HDAC9: variants seen among roughly 807,000 people sequenced by gnomAD.
The protein encoded by HDAC9 is histone deacetylase 9.
HDAC9 carries 41 observed loss-of-function variants against 139.4 expected under a neutral mutation model. The ratio of observed to expected loss-of-function variants is 0.29; its 90% CI spans 0.23 to 0.38. HDAC9 has a LOEUF of 0.38. HDAC9 is among the 10% of genes least tolerant of loss of function. The pLI is 1.00. For synonymous variants in HDAC9, 517 were observed against 476.2 expected (o/e 1.09, Z -1.12); for missense variants, 1,147 against 1,297.0 (o/e 0.88, Z 1.78).
At chr7:18,368,287 T>G (rs1784337601) in intron 1 of HDAC9, among the ~76,000 whole-genome samples, 1 of 152,086 alleles carries the variant, frequency 6.6e-6, no homozygotes, top group African/African-American at 2.4e-5. Flanking sequence ...GATCTATCAC[T>G]TTACCTTTTA....
At chr7:18,433,944 A>G (rs571062880) in intron 1 of HDAC9, among the ~76,000 whole-genome samples, 22 of 152,232 alleles carry the variant, frequency 1.4e-4, no homozygotes, top group Admixed American at 1.4e-3. Context: ...GAACCAAAAA[A>G]GAGCCTGAGT....
intron 1 of HDAC9, among the ~76,000 whole-genome samples, chr7:18,104,801 A>G (rs1306373833): frequency 1.3e-5 from 2 of 152,052 alleles, no homozygotes; most frequent in African/African-American, 4.8e-5. Flanking sequence ...GGAGATCACA[A>G]ATTGGCAGCT....
intron 1 of HDAC9, among the ~76,000 whole-genome samples, chr7:18,460,466 G>T (rs189662320): frequency 6.6e-5 from 10 of 151,876 alleles, no homozygotes; most frequent in Non-Finnish European, 1.0e-4. Context: ...TATGGAATTC[G>T]AATTCATTCT....
rs563959427 is a variant in HDAC9 at position 18,395,767 on chromosome 7, G to A, written c.-41-100495G>A. ...ACTCAACCACTGTTCTCCCAAGGCC[G>A]TTACCTTATTTCAGAGAAAGCCTAA... On this transcript the variant is annotated intron_variant, in intron 1 of 3. Coordinates refer to the HDAC9 transcript ENST00000413509. 7.2e-5 allele frequency among the ~76,000 whole-genome samples: 11 copies of A among 152,056 alleles called. No homozygotes were observed. The South Asian group carries it at 2.1e-3, about 29-fold the overall frequency.
intron 24 of HDAC9, among the ~76,000 whole-genome samples, chr7:18,966,712 C>T (rs1236046562): frequency 8.4e-6 from 1 of 118,900 alleles, no homozygotes; most frequent in Non-Finnish European, 1.8e-5. Flanking sequence ...AAAAAACAAA[C>T]AGACCAAAAA....
intron 1 of HDAC9, among the ~76,000 whole-genome samples, chr7:18,474,370 C>T (rs1262246660): frequency 6.6e-6 from 1 of 152,180 alleles, no homozygotes; most frequent in Non-Finnish European, 1.5e-5. Context: ...AGGTATCCAT[C>T]TATAGCTGCC....
At chr7:18,303,375 TTG>T (rs71014320) in intron 1 of HDAC9, among the ~76,000 whole-genome samples, 3,132 of 127,674 alleles carry the variant, frequency 0.025, 57 homozygotes, top group African/African-American at 0.052. Context: ...CCCAGCCAAT[TTG>T]TGTGTGTGTG....
intron 1 of HDAC9, among the ~76,000 whole-genome samples, chr7:18,419,496 T>G (rs1361282234): frequency 6.6e-6 from 1 of 152,200 alleles, no homozygotes. Context: ...AAGATAAGTT[T>G]TAGTGTTTTC....
chr7:18,207,748 C>G lies in HDAC9; in HGVS notation c.25+45399C>G, dbSNP rs1214120624. ...TTTATTTTTGAGAAGGAGTTTTGCT[C>G]TTGTTGCCCAGGCTGGAGTGCAATG... On this transcript the variant is annotated intron_variant, in intron 2 of 12. Coordinates refer to the HDAC9 transcript ENST00000417496. 2.6e-5 allele frequency among the ~76,000 whole-genome samples: 4 copies of G among 151,614 alleles called. No individual in the cohort carries two copies. The South Asian group carries it at 6.3e-4, about 24-fold the overall frequency.
chr7:18,621,035 G>A (rs1411598469), intron 6 of HDAC9, among the ~76,000 whole-genome samples: 1 of 152,084 alleles, frequency 6.6e-6, no homozygotes, highest in African/African-American at 2.4e-5. Context: ...TTATTCTTAA[G>A]TGAAATATTG....
At chr7:18,209,504 T>C (rs760645577) in intron 2 of HDAC9, among the ~76,000 whole-genome samples, 6 of 152,182 alleles carry the variant, frequency 3.9e-5, no homozygotes, top group Non-Finnish European at 8.8e-5. Flanking sequence ...TGGTGTGAAC[T>C]GTGATCTTTT....
intron 1 of HDAC9, among the ~76,000 whole-genome samples, chr7:18,437,272 C>T (rs1791292075): frequency 6.6e-6 from 1 of 151,986 alleles, no homozygotes; most frequent in Non-Finnish European, 1.5e-5. Flanking sequence ...CTAAAGCCTG[C>T]CAAAAATATC....
chr7:18,311,938 A>G (rs772270539), intron 1 of HDAC9, among the ~76,000 whole-genome samples: 6 of 152,172 alleles, frequency 3.9e-5, no homozygotes, highest in Non-Finnish European at 8.8e-5. Context: ...GGCTTTTGCC[A>G]CTGAACCACC....
intron 21 of HDAC9, among the ~76,000 whole-genome samples, chr7:18,859,855 T>G (rs1199480352): frequency 1.6e-5 from 2 of 126,480 alleles, no homozygotes; most frequent in East Asian, 5.5e-4. Context: ...TATATATATA[T>G]ATATGTGAGA....
chr7:18,386,696 A>C (rs1785963233), intron 1 of HDAC9, among the ~76,000 whole-genome samples: 1 of 152,222 alleles, frequency 6.6e-6, no homozygotes, highest in African/African-American at 2.4e-5. Context: ...CATCACGATT[A>C]AACCATAGCT....
chr7:18,387,433 A>G (rs556494992), intron 1 of HDAC9, among the ~76,000 whole-genome samples: 14 of 152,284 alleles, frequency 9.2e-5, no homozygotes, highest in African/African-American at 3.1e-4. Context: ...CTTTCTCCAA[A>G]TTGCCTGTGT....
chr7:18,980,362 C>A (rs1312920025), intron 25 of HDAC9, among the ~76,000 whole-genome samples: 1 of 152,196 alleles, frequency 6.6e-6, no homozygotes, highest in Non-Finnish European at 1.5e-5. Flanking sequence ...TTTTTCTTCA[C>A]TCCTTCAATC....
At chr7:18,666,869 C>T (rs1795021719) in intron 12 of HDAC9, 3 of 1,018,376 alleles carry the variant, frequency 2.9e-6, no homozygotes, top group Non-Finnish European at 3.5e-6. Flanking sequence ...GCTGGATAGT[C>T]TCCCAGTCTG....
At chr7:18,144,426 G>A (rs562256434) in intron 1 of HDAC9, among the ~76,000 whole-genome samples, 2 of 152,242 alleles carry the variant, frequency 1.3e-5, no homozygotes, top group South Asian at 4.1e-4. Context: ...TTTTGGCCCT[G>A]TGGGTCCTAC....
Sources: gnomAD v4.1 joint callset for allele counts (sites outside exome capture counted in the v4.1 genomes callset) on GRCh38, gnomAD v4.1.1 for gene constraint, MANE v1.5 for transcripts, NCBI Gene and HGNC (gene_info 2026-07-23, HGNC 2026-07-21) for gene names.